Variants in DTNB observed in about 807,000 individuals in gnomAD.
The protein encoded by DTNB is DTN-B.
DTNB carries 63 observed loss-of-function variants against 90.7 expected under a neutral mutation model. The observed-to-expected ratio is 0.69, with a 90% CI of 0.57 to 0.86. The LOEUF (loss-of-function observed/expected upper bound fraction) is 0.86, where lower values mean the gene tolerates loss of function less well. Ranked by LOEUF, DTNB falls within the 40% of genes least tolerant of loss-of-function variation. The pLI is 0.00. For missense variants in DTNB, 744 were observed against 807.1 expected, an observed-to-expected ratio of 0.92 and a Z score of 0.95; for synonymous variants, 277 against 286.7, an observed-to-expected ratio of 0.97 and a Z score of 0.34.
intron 16 of DTNB, among the ~76,000 whole-genome samples, chr2:25,391,173 G>A (rs1052861466): frequency 2.0e-5 from 3 of 152,132 alleles, no homozygotes; most frequent in African/African-American, 7.2e-5. Flanking sequence ...TGGGATTACA[G>A]GTGTGAGCCA....
intron 12 of DTNB, among the ~76,000 whole-genome samples, chr2:25,441,173 C>T (rs954427359): frequency 4.6e-5 from 7 of 152,136 alleles, no homozygotes; most frequent in African/African-American, 1.4e-4. Flanking sequence ...CAGAGCAAGC[C>T]GAAACTTTCA....
chr2:25,629,457 C>T lies in DTNB; in HGVS notation c.149-1073G>A, dbSNP rs11896098. Among the ~76,000 whole-genome samples the T allele has an allele frequency of 8.7e-4, 133 of 152,262 alleles. 1 individual carries two copies. The highest frequency in any genetic ancestry group is 3.1e-3 in the African/African-American group (129 of 41,552). Reference sequence around the variant, plus strand: ...ACTGCAGTGACTATAAACACACTAACGTACCACTTACAAGACAAAGACTGA... The same window carrying T: ...ACTGCAGTGACTATAAACACACTAATGTACCACTTACAAGACAAAGACTGA... On this transcript the variant is annotated intron_variant, in intron 3 of 20. Coordinates refer to ENST00000406818, the MANE Select transcript of DTNB (RefSeq NM_021907.5).
intron 9 of DTNB, among the ~76,000 whole-genome samples, chr2:25,496,993 A>G (rs892888483): frequency 5.9e-5 from 9 of 152,236 alleles, no homozygotes; most frequent in Admixed American, 3.9e-4. Flanking sequence ...AAGAATAACT[A>G]TTAAACCTTC....
rs564186614 is a variant in DTNB at position 25,574,913 on chromosome 2, T to C, written c.876+1925A>G. Among the ~76,000 whole-genome samples the C allele has an allele frequency of 2.0e-5, 3 of 152,246 alleles. No individual in the cohort carries two copies. The East Asian group carries it at 5.8e-4, about 29-fold the overall frequency. Reference sequence around the variant, plus strand: ...TAGTGCTGTGAGGGTCAAACAGAAATGTAAGAATTCATTTGTGATTTGTAT... The same window carrying C: ...TAGTGCTGTGAGGGTCAAACAGAAACGTAAGAATTCATTTGTGATTTGTAT... On this transcript the variant is annotated intron_variant, in intron 8 of 20. Transcript: ENST00000406818.
At position 25,639,114 on chromosome 2, in the gene DTNB, A is replaced by G. The variant is rs766512912; in HGVS notation, c.68-20T>C. 6 of 1,552,830 alleles carry G rather than the reference A, an allele frequency of 3.9e-6. No individual in the cohort carries two copies. In the South Asian group the frequency reaches 6.0e-5, roughly 15 times the overall value. ...GAGCACCTGAAAAAAGGCAAACAGA[A>G]ATGCTCAACTAGATTTACCATTTAG... On this transcript the variant is annotated intron_variant, in intron 2 of 20. Coordinates refer to ENST00000406818, the MANE Select transcript of DTNB (RefSeq NM_021907.5).
intron 9 of DTNB, among the ~76,000 whole-genome samples, chr2:25,483,315 T>C (rs541077870): frequency 1.3e-5 from 2 of 152,338 alleles, no homozygotes; most frequent in Non-Finnish European, 2.9e-5. Context: ...GCATTCATTG[T>C]ATATTACAAA....
chr2:25,414,696 A>G (rs772074206), intron 16 of DTNB, among the ~76,000 whole-genome samples: 31 of 152,228 alleles, frequency 2.0e-4, no homozygotes, highest in Non-Finnish European at 4.6e-4. Flanking sequence ...CATACAGAGT[A>G]TAAGTCAAAA....
At chr2:25,646,321 A>C (rs1382629247) in intron 2 of DTNB, among the ~76,000 whole-genome samples, 2 of 151,998 alleles carry the variant, frequency 1.3e-5, no homozygotes, top group Non-Finnish European at 2.9e-5. Flanking sequence ...ACTAAAAAAA[A>C]ATTAGCCAGG....
At chr2:25,626,313 T>C (rs2148692675) in intron 4 of DTNB, among the ~76,000 whole-genome samples, 1 of 152,296 alleles carries the variant, frequency 6.6e-6, no homozygotes. Flanking sequence ...AAGGTGCTGC[T>C]TACTTATTAC....
chr2:25,421,525 T>C (rs1245076986), intron 15 of DTNB, among the ~76,000 whole-genome samples: 1 of 152,256 alleles, frequency 6.6e-6, no homozygotes, highest in East Asian at 1.9e-4. Context: ...GGCAGGACAC[T>C]TTTCTTATAT....
intron 4 of DTNB, among the ~76,000 whole-genome samples, chr2:25,626,894 AACATC>A (rs1409448152): frequency 6.6e-6 from 1 of 152,260 alleles, no homozygotes; most frequent in Admixed American, 6.5e-5. Flanking sequence ...TGGTTCACAG[AACATC>A]ACCATTTAAC....
intron 1 of DTNB, among the ~76,000 whole-genome samples, chr2:25,658,921 T>C (rs2082598172): frequency 6.6e-6 from 1 of 152,270 alleles, no homozygotes; most frequent in East Asian, 1.9e-4. Context: ...TTTAATCTTT[T>C]AACTTTTTAT....
intron 9 of DTNB, among the ~76,000 whole-genome samples, chr2:25,505,270 C>T (rs1338030937): frequency 1.3e-5 from 2 of 152,134 alleles, no homozygotes; most frequent in African/African-American, 4.8e-5. Flanking sequence ...CCACTCAAGG[C>T]CTCCTCTGTC....
chr2:25,616,939 AAAAAAAAAAAAAAGG>A (rs1039705794), intron 4 of DTNB, among the ~76,000 whole-genome samples: 9 of 70,360 alleles, frequency 1.3e-4, no homozygotes, highest in African/African-American at 3.1e-4. Context: ...CTCAAAAAAA[AAAAAAAAAAAAAAGG>A]AAAAAAAAGA....
chr2:25,499,197 A>C lies in DTNB; in HGVS notation c.1002-16324T>G, dbSNP rs532651783. Reference sequence around the variant, plus strand: ...GTGTCATTGCAAAAAAAAAAACCAAACAAACAAAAACAAAAACAACCATAT... The same window carrying C: ...GTGTCATTGCAAAAAAAAAAACCAACCAAACAAAAACAAAAACAACCATAT... On this transcript the variant is annotated intron_variant, in intron 9 of 20. Transcript: ENST00000406818. Among the ~76,000 whole-genome samples, 4 of 151,978 alleles carry C rather than the reference A, an allele frequency of 2.6e-5. No homozygotes were observed. In the East Asian group the frequency reaches 7.7e-4, roughly 29 times the overall value.
At chr2:25,647,546 G>C (rs1380890578) in intron 2 of DTNB, among the ~76,000 whole-genome samples, 1 of 152,074 alleles carries the variant, frequency 6.6e-6, no homozygotes, top group African/African-American at 2.4e-5. Flanking sequence ...AAGCTATACA[G>C]GTTTTTTTAA....
chr2:25,648,863 T>C (rs2080121056), intron 2 of DTNB, among the ~76,000 whole-genome samples: 3 of 152,160 alleles, frequency 2.0e-5, no homozygotes. Flanking sequence ...GACATATCAG[T>C]TCTTTCACCT....
intron 9 of DTNB, among the ~76,000 whole-genome samples, chr2:25,487,645 G>A (rs774163720): frequency 4.6e-5 from 7 of 152,152 alleles, no homozygotes; most frequent in Non-Finnish European, 1.0e-4. Flanking sequence ...GAATCGTCAT[G>A]GAAGGCCTCA....
At chr2:25,541,109 T>C (rs1294222753) in intron 8 of DTNB, among the ~76,000 whole-genome samples, 1 of 149,718 alleles carries the variant, frequency 6.7e-6, no homozygotes, top group Non-Finnish European at 1.5e-5. Flanking sequence ...GAAAATAATG[T>C]AGGTACTAAC....
Sources: allele counts gnomAD v4.1 joint callset (sites outside exome capture counted in the v4.1 genomes callset), GRCh38; gene constraint gnomAD v4.1.1; transcripts MANE v1.5; gene names NCBI Gene and HGNC (gene_info 2026-07-23, HGNC 2026-07-21).